RNF213: variants seen among roughly 807,000 people sequenced by gnomAD.
RNF213 encodes ring finger protein 213.
RNF213 carries 341 observed loss-of-function variants against 514.4 expected under a neutral mutation model. The observed-to-expected ratio is 0.66, with a 90% confidence interval of 0.61 to 0.73. The LOEUF (loss-of-function observed/expected upper bound fraction) is 0.73, where lower values mean the gene tolerates loss of function less well. Ranked by LOEUF, RNF213 falls within the 30% of genes least tolerant of loss-of-function variation. RNF213 has a pLI of 0.00. For missense variants in RNF213, 5,767 were observed against 6,615.6 expected (o/e 0.87, Z 4.45); for synonymous variants, 2,655 against 2,658.2 (o/e 1.00, Z 0.04).
intron 2 of RNF213, among the ~76,000 whole-genome samples, chr17:80,265,040 G>GTTTTTTTT (rs112658451): frequency 2.2e-5 from 3 of 133,762 alleles, no homozygotes; most frequent in African/African-American, 8.6e-5. Context: ...TTCCATGTTT[G>GTTTTTTTT]TTTGTTTTTT....
Position 80,337,656 on chromosome 17 carries a change from C to T in RNF213, c.4598C>T (p.Ser1533Phe). 3 of 1,537,280 alleles carry T rather than the reference C, an allele frequency of 2.0e-6. No homozygotes were observed. The highest frequency in any genetic ancestry group is 2.6e-6 in the Non-Finnish European group (3 of 1,146,924). Reference sequence around the variant, plus strand: ...AGTCATGGGTCTGTGGAACGCTCATCCCTGACCCTGGCCACGGCCATCAAC... The same window carrying T: ...AGTCATGGGTCTGTGGAACGCTCATTCCTGACCCTGGCCACGGCCATCAAC... ...NESHGSVERSSLTLATAINQR... is the reference protein window; with the variant it reads ...NESHGSVERSFLTLATAINQR... Residue 1533 changes from serine to phenylalanine, a missense_variant, in exon 24 of 68, where the codon TCC becomes TTC. Physicochemically the swap from Ser to Phe is radical, Grantham distance 155. Coordinates refer to ENST00000582970, the MANE Select transcript of RNF213 (RefSeq NM_001256071.3).
chr17:80,385,724 T>C (rs999190467), intron 61 of RNF213, 103 bp downstream of exon 61: 52 of 967,350 alleles, frequency 5.4e-5, no homozygotes, highest in Admixed American at 4.7e-4. Flanking sequence ...CACCCAGCAC[T>C]GTGTTTGTTT....
chr17:80,328,578 A>T, intron 20 of RNF213, 101 bp downstream of exon 20: 1 of 1,270,564 alleles, frequency 7.9e-7, no homozygotes, highest in Non-Finnish European at 1.0e-6. Flanking sequence ...TTTGGAGAGA[A>T]GGCTTTAAAA....
chr17:80,308,554 T>A (rs932325474), intron 13 of RNF213, among the ~76,000 whole-genome samples: 1 of 152,040 alleles, frequency 6.6e-6, no homozygotes, highest in Non-Finnish European at 1.5e-5. Flanking sequence ...AGGCTCCTCC[T>A]AAGTCCCTGC....
intron 8 of RNF213, among the ~76,000 whole-genome samples, chr17:80,293,203 G>A (rs1049258088): frequency 3.9e-5 from 6 of 152,014 alleles, no homozygotes; most frequent in South Asian, 2.1e-4. Context: ...GCCTACAGGC[G>A]TGTGTCACCA....
intron 1 of RNF213, among the ~76,000 whole-genome samples, 177 bp downstream of exon 1, chr17:80,261,079 C>A (rs1444928441): frequency 5.9e-5 from 9 of 151,958 alleles, no homozygotes; most frequent in Admixed American, 5.9e-4. Flanking sequence ...GGTCCAGCCC[C>A]GCCCGCGGCG....
At chr17:80,351,971 C>A in intron 32 of RNF213, 168 bp downstream of exon 32, 1 of 501,080 alleles carries the variant, frequency 2.0e-6, no homozygotes, top group Non-Finnish European at 3.7e-6. Flanking sequence ...TCTCCTGCCT[C>A]AGCCTCCCAA....
intron 42 of RNF213, among the ~76,000 whole-genome samples, chr17:80,367,422 G>T (rs868590546): frequency 1.3e-5 from 2 of 152,288 alleles, no homozygotes; most frequent in South Asian, 2.1e-4. Context: ...TAAATGCTGA[G>T]ATTTCTTAAA....
At chr17:80,388,550 C>T in intron 63 of RNF213, 62 bp from the exon 64 acceptor site, 2 of 1,113,672 alleles carry the variant, frequency 1.8e-6, no homozygotes, top group Non-Finnish European at 2.7e-6. Context: ...TTCTGTTTGT[C>T]ATCTGCTGGA....
chr17:80,292,474 T>TC (rs2044767344), intron 8 of RNF213, among the ~76,000 whole-genome samples: 1 of 152,110 alleles, frequency 6.6e-6, no homozygotes, highest in Non-Finnish European at 1.5e-5. Context: ...CAGGGACAAG[T>TC]GCAGTGACCA....
intron 5 of RNF213, among the ~76,000 whole-genome samples, chr17:80,289,177 G>A (rs917733175): frequency 6.6e-6 from 1 of 152,214 alleles, no homozygotes; most frequent in Non-Finnish European, 1.5e-5. Context: ...CACCAATGAG[G>A]CTGGAGAGAG....
intron 3 of RNF213, among the ~76,000 whole-genome samples, chr17:80,281,581 TCA>T (rs1568006775): frequency 4.2e-5 from 1 of 23,736 alleles, no homozygotes; most frequent in African/African-American, 1.3e-4. Context: ...CTCACACCAC[TCA>T]CACACTGCCA....
intron 2 of RNF213, among the ~76,000 whole-genome samples, chr17:80,266,809 T>G (rs899047727): frequency 2.0e-5 from 3 of 152,142 alleles, no homozygotes; most frequent in African/African-American, 7.2e-5. Context: ...CCTGGCCTCA[T>G]GTCTCTCACT....
intron 67 of RNF213, among the ~76,000 whole-genome samples, chr17:80,390,649 G>A (rs1265652840): frequency 6.6e-6 from 1 of 151,862 alleles, no homozygotes; most frequent in African/African-American, 2.4e-5. Flanking sequence ...TGCCCGCTTT[G>A]GCCTCTCAAA....
Position 80,380,884 on chromosome 17 carries a change from G to A in RNF213, c.13694G>A (p.Arg4565Lys), listed in dbSNP as rs949388581. ...CACGTGCTGGGCAACCCGCAGCGGA[G>A]AGACGTGGTGACATGTGACCGAGGG... Reference protein sequence around the residue: ...TGHVLGNPQRRDVVTCDRGLP... With the variant: ...TGHVLGNPQRKDVVTCDRGLP... The change falls in exon 56 of 68, where the codon AGA becomes AAA. Residue 4565 changes from arginine to lysine, a missense_variant. By Grantham distance (26) the Arg-to-Lys change is conservative. This residue lies in a region of RNF213 where 1,245 missense variants were observed against 1,339.0 expected (regional missense o/e 0.93). Transcript: ENST00000582970. The A allele has an allele frequency of 3.7e-6, 6 of 1,614,084 alleles. No individual in the cohort carries two copies. Among genetic ancestry groups the A allele is most frequent in the Non-Finnish European group, 5.1e-6 (6 of 1,180,050 alleles).
At position 80,345,784 on chromosome 17, in the gene RNF213, C is replaced by G; in HGVS notation, c.7449C>G (p.Ile2483Met). The G allele has an allele frequency of 6.2e-7, 1 of 1,614,172 alleles. No individual in the cohort carries two copies. The highest frequency in any genetic ancestry group is 8.5e-7 in the Non-Finnish European group (1 of 1,180,036). The stretch of plus-strand genomic sequence containing the variant: ...AGGACCAACATCAGTTGGACACCAT[C>G]TTGTTTTTTGATGAAGCCAACACAA... ...ANKDQHQLDT[I>M]LFFDEANTTE... The change falls in exon 29 of 68, where the codon ATC (isoleucine) becomes ATG (methionine). Residue 2483 changes from isoleucine (I) to methionine (M), a missense_variant. By Grantham distance (10) the Ile-to-Met change is conservative. This residue lies in a region of RNF213 where 1,377 missense variants were observed against 1,635.2 expected (regional missense o/e 0.84). Coordinates refer to ENST00000582970, the MANE Select transcript of RNF213 (RefSeq NM_001256071.3). The surrounding 1 kb of genome is among the most constrained non-coding windows in gnomAD (Gnocchi z 6.0).
intron 29 of RNF213, 128 bp downstream of exon 29, chr17:80,348,414 GCT>G (rs2078389073): frequency 1.5e-6 from 2 of 1,322,850 alleles, no homozygotes; most frequent in Admixed American, 1.7e-5. Flanking sequence ...GAGACGCTGA[GCT>G]CTCCTCCGCG....
In RNF213 at chr17:80,332,287, C is replaced by T. The variant is rs1039037722; in HGVS notation, c.3799C>T (p.His1267Tyr). 28 of 1,537,214 alleles carry T rather than the reference C, an allele frequency of 1.8e-5. No individual in the cohort carries two copies. The highest frequency in any genetic ancestry group is 2.4e-5 in the Non-Finnish European group (28 of 1,146,908). The change falls in exon 21 of 68, where the codon CAC (histidine) becomes TAC (tyrosine). Residue 1267 changes from histidine (H) to tyrosine (Y), a missense_variant. This residue lies in a region of RNF213 where 516 missense variants were observed against 566.5 expected (regional missense o/e 0.91). Transcript: ENST00000582970. ...LSEPEEESER[H>Y]ILELEEVYDY... Reference sequence around the variant, plus strand: ...TGAGCCCGAAGAAGAATCAGAAAGGCACATCCTTGAGCTTGAAGAGGTGTA... The same window carrying T: ...TGAGCCCGAAGAAGAATCAGAAAGGTACATCCTTGAGCTTGAAGAGGTGTA...
At position 80,295,601 on chromosome 17, in the gene RNF213, A is replaced by G. The variant is rs1282630958; in HGVS notation, c.1800A>G (p.Pro600=). 6.2e-7 allele frequency: 1 copy of G among 1,614,202 alleles called. No individual in the cohort carries two copies. Among genetic ancestry groups the G allele is most frequent in the Non-Finnish European group, 8.5e-7 (1 of 1,180,036 alleles). Residue 600 remains proline (P), a synonymous_variant, in exon 10 of 68, where the codon CCA becomes CCG. Coordinates refer to ENST00000582970, the MANE Select transcript of RNF213 (RefSeq NM_001256071.3). ...AACATCTGAAAAAACACGTGGTACCATTGCCGGACGGAAAAAGCACGGACT... is the reference window on the plus strand; with the variant it reads ...AACATCTGAAAAAACACGTGGTACCGTTGCCGGACGGAAAAAGCACGGACT... The part of the protein sequence containing the change: ...LWQHLKKHVV[P]LPDGKSTDFL...
Sources: gnomAD v4.1 joint callset for allele counts (sites outside exome capture counted in the v4.1 genomes callset) on GRCh38, gnomAD v4.1.1 for gene constraint, gnomAD v4.1.1 regional missense constraint, Gnocchi (gnomAD v3.1) non-coding constraint, MANE v1.5 for transcripts, NCBI Gene and HGNC (gene_info 2026-07-23, HGNC 2026-07-21) for gene names.